The following STAT5B variants were observed in gnomAD, a reference collection of about 807,000 sequenced individuals.
STAT5B encodes the protein signal transducer and activator of transcription 5B.
In STAT5B, 21 loss-of-function variants were observed where a neutral mutation model predicts 107.8. That is an observed-to-expected ratio of 0.19 (90% CI 0.14 to 0.28). The LOEUF is 0.28. Ranked by LOEUF, STAT5B falls within the 10% of genes least tolerant of loss-of-function variation. The pLI, the probability that STAT5B is intolerant of heterozygous loss-of-function variation, is 1.00. For synonymous variants in STAT5B, 325 were observed against 401.7 expected, an observed-to-expected ratio of 0.81 and a Z score of 2.28; for missense variants, 565 against 1,008.2, an observed-to-expected ratio of 0.56 and a Z score of 5.95.
chr17:42,250,646 C>T (rs1392242161), intron 1 of STAT5B, among the ~76,000 whole-genome samples: 13 of 151,992 alleles, frequency 8.6e-5, no homozygotes, highest in African/African-American at 2.4e-4. Context: ...ATCACGAGGC[C>T]GGGCGCGGTG....
chr17:42,204,326 G>A (rs905259263), intron 16 of STAT5B, among the ~76,000 whole-genome samples: 1 of 152,154 alleles, frequency 6.6e-6, no homozygotes, highest in African/African-American at 2.4e-5. Flanking sequence ...ATCTGACATG[G>A]GAGAATGAAG....
intron 12 of STAT5B, among the ~76,000 whole-genome samples, chr17:42,213,344 C>G (rs1211971786): frequency 6.6e-6 from 1 of 151,498 alleles, no homozygotes; most frequent in African/African-American, 2.4e-5. Flanking sequence ...ACAGCTGGGA[C>G]TACAGGCGTG....
At position 42,229,538 on chromosome 17, in the gene STAT5B, T is replaced by TA. The variant is rs1036283326; in HGVS notation, c.129-1854dup. 9.1e-3 allele frequency among the ~76,000 whole-genome samples: 1,291 copies of TA among 141,824 alleles called. 9 individuals carry two copies. The highest frequency in any genetic ancestry group is 0.024 in the East Asian group (118 of 4,904). 93.0% of individuals were successfully genotyped at this position (141,824 alleles called of 152,430 possible). On this transcript the variant is annotated intron_variant, in intron 2 of 18. Transcript: ENST00000293328. ...TTTACTTGAAACCTTAATTCTCTGT[T>TA]AAAAAAAAAAAAGACTTGCTTAGAT...
At chr17:42,221,568 G>T (rs2080226430) in intron 5 of STAT5B, among the ~76,000 whole-genome samples, 1 of 152,226 alleles carries the variant, frequency 6.6e-6, no homozygotes, top group African/African-American at 2.4e-5. Flanking sequence ...GCCAGGCACG[G>T]GATCAGAAAT....
chr17:42,224,838 C>T lies in STAT5B; in HGVS notation c.316G>A (p.Val106Ile), dbSNP rs748978416. Residue 106 changes from valine to isoleucine, a missense_variant, in exon 4 of 19, where the codon GTC becomes ATC. By Grantham distance (29) the Val-to-Ile change is conservative. Around this residue, in one of 11 missense-constraint regions of STAT5B, gnomAD observed 83 missense variants for 145.1 expected, o/e 0.57. Transcript: ENST00000293328. ...NTYDRCPMEL[V>I]RCIRHILYNE... ...TACAATATATGGCGGATGCAGCGGACCAGCTCCATGGGGCAGCGGTCATAC... is the reference window on the plus strand; with the variant it reads ...TACAATATATGGCGGATGCAGCGGATCAGCTCCATGGGGCAGCGGTCATAC... The T allele has an allele frequency of 1.2e-6, 2 of 1,613,744 alleles. No individual in the cohort carries two copies. The highest frequency in any genetic ancestry group is 2.2e-5 in the South Asian group (2 of 91,076).
chr17:42,270,312 C>G (rs2080712274), intron 1 of STAT5B, among the ~76,000 whole-genome samples: 1 of 152,084 alleles, frequency 6.6e-6, no homozygotes, highest in African/African-American at 2.4e-5. Context: ...AAGAATAGGA[C>G]AGAAATCCCC....
chr17:42,278,470 C>T (rs1271048553), upstream of STAT5B, among the ~76,000 whole-genome samples: 3 of 152,282 alleles, frequency 2.0e-5, no homozygotes, highest in East Asian at 5.8e-4. Flanking sequence ...ACTGAGGAGG[C>T]TAAGGTGGGA....
At chr17:42,210,354 G>A in intron 14 of STAT5B, 49 bp downstream of exon 14, 1 of 1,614,176 alleles carries the variant, frequency 6.2e-7, no homozygotes, top group Non-Finnish European at 8.5e-7. Flanking sequence ...CGATGCCAGA[G>A]AGAAGACCTT....
intron 1 of STAT5B, among the ~76,000 whole-genome samples, chr17:42,238,174 C>T (rs1191907904): frequency 6.6e-6 from 1 of 151,960 alleles, no homozygotes; most frequent in Non-Finnish European, 1.5e-5. Flanking sequence ...TACTCCATCA[C>T]TCAGGCTGGA....
At chr17:42,218,627 G>A (rs1567659568) in intron 8 of STAT5B, 96 bp downstream of exon 8, 13 of 1,600,662 alleles carry the variant, frequency 8.1e-6, no homozygotes, top group Non-Finnish European at 1.1e-5. Flanking sequence ...TGAGAGGCAG[G>A]AAGTGGATCT....
chr17:42,206,803 G>A (rs981326136), intron 16 of STAT5B, among the ~76,000 whole-genome samples: 3 of 151,414 alleles, frequency 2.0e-5, no homozygotes, highest in Non-Finnish European at 4.4e-5. Flanking sequence ...TTGAACTCCC[G>A]ACCTCAGGTG....
intron 1 of STAT5B, among the ~76,000 whole-genome samples, chr17:42,253,565 C>A (rs2080517420): frequency 6.6e-6 from 1 of 152,172 alleles, no homozygotes; most frequent in Non-Finnish European, 1.5e-5. Context: ...ACAGGAAGGA[C>A]TGAAAGAGTC....
At chr17:42,281,158 C>T (rs190481126), upstream of STAT5B, among the ~76,000 whole-genome samples, 1 of 149,868 alleles carries the variant, frequency 6.7e-6, no homozygotes, top group East Asian at 2.0e-4. Context: ...AAAACAAAAA[C>T]AAAAAAAAAC....
At position 42,219,749 on chromosome 17, in the gene STAT5B, A is replaced by G. The variant is rs1430791171; in HGVS notation, c.644T>C (p.Leu215Ser). 1 of 1,609,988 alleles carries G rather than the reference A, an allele frequency of 6.2e-7. No homozygotes were observed. The highest frequency in any genetic ancestry group is 8.5e-7 in the Non-Finnish European group (1 of 1,178,544). Residue 215 changes from leucine (L) to serine (S), a missense_variant, in exon 6 of 19, where the codon TTG becomes TCG. By Grantham distance (145) the Leu-to-Ser change is moderately radical (BLOSUM62 -2). Transcript: ENST00000293328. ...CTGCAGTGTCTGTGCCTCACGCTGCAACCAGGCCTCCAGAGACACCTGCTT... is the reference window on the plus strand; with the variant it reads ...CTGCAGTGTCTGTGCCTCACGCTGCGACCAGGCCTCCAGAGACACCTGCTT... ...QQKQVSLEAW[L>S]QREAQTLQQY...
intron 1 of STAT5B, among the ~76,000 whole-genome samples, chr17:42,240,938 GT>G (rs1336462556): frequency 6.6e-6 from 1 of 152,198 alleles, no homozygotes; most frequent in Non-Finnish European, 1.5e-5. Context: ...AAGAGATGAC[GT>G]TTAAACATTG....
intron 16 of STAT5B, 135 bp from the exon 17 acceptor site, chr17:42,202,943 A>G (rs2080057221): frequency 8.1e-7 from 1 of 1,235,436 alleles, no homozygotes; most frequent in Admixed American, 1.9e-5. Context: ...AGCACTTAAT[A>G]TTTTTTTGTT....
At chr17:42,260,008 C>A (rs182585916) in intron 1 of STAT5B, among the ~76,000 whole-genome samples, 9 of 152,192 alleles carry the variant, frequency 5.9e-5, no homozygotes, top group Admixed American at 5.9e-4. Flanking sequence ...CAGGAGACAG[C>A]CCTATATTTC....
At chr17:42,269,296 A>T (rs2080701940) in intron 1 of STAT5B, 1 of 151,772 alleles carries the variant, frequency 6.6e-6, no homozygotes, top group African/African-American at 2.4e-5. Context: ...CTGGTCTCCA[A>T]CTCCTGACCT....
At chr17:42,234,611 G>C (rs2080342763) in intron 1 of STAT5B, 1 of 152,278 alleles carries the variant, frequency 6.6e-6, no homozygotes, top group African/African-American at 2.4e-5. Context: ...TGTAATCCCA[G>C]CACTTCAGGA....
Sources: gnomAD v4.1 joint callset for allele counts (sites outside exome capture counted in the v4.1 genomes callset) on GRCh38, gnomAD v4.1.1 for gene constraint, gnomAD v4.1.1 regional missense constraint, MANE v1.5 for transcripts, NCBI Gene and HGNC (gene_info 2026-07-23, HGNC 2026-07-21) for gene names.